Variants in KDM1A observed in about 807,000 individuals in gnomAD.
KDM1A encodes lysine demethylase 1A, also known as lysine-specific histone demethylase 1A.
KDM1A carries 49 observed loss-of-function variants against 109.4 expected under a neutral mutation model. The observed-to-expected ratio is 0.45, with a 90% CI of 0.36 to 0.57. The LOEUF (loss-of-function observed/expected upper bound fraction) is 0.57. Ranked by LOEUF, KDM1A falls within the 20% of genes least tolerant of loss-of-function variation. KDM1A has a pLI of 0.00. For synonymous variants in KDM1A, 380 were observed against 415.4 expected (o/e 0.91, Z 1.04); for missense variants, 668 against 1,116.6 (o/e 0.60, Z 5.73).
chr1:23,072,688 C>T (rs1186391116), intron 14 of KDM1A, among the ~76,000 whole-genome samples: 2 of 152,172 alleles, frequency 1.3e-5, no homozygotes, highest in African/African-American at 4.8e-5. Flanking sequence ...TCTTGTTGCC[C>T]AGGCTGGAGT....
At chr1:23,050,563 A>G in intron 4 of KDM1A, 43 bp downstream of exon 4, 1 of 1,506,116 alleles carries the variant, frequency 6.6e-7, no homozygotes, top group South Asian at 1.3e-5. Context: ...TATAAAAAGT[A>G]TATATGGCTT....
At chr1:23,075,259 C>T (rs12752664) in intron 15 of KDM1A, among the ~76,000 whole-genome samples, 1 of 152,182 alleles carries the variant, frequency 6.6e-6, no homozygotes, top group Admixed American at 6.5e-5. Context: ...CTTCTTGGAC[C>T]AATCTCTAAA....
chr1:23,020,331 G>T (rs760985763), intron 1 of KDM1A: 16 of 164,588 alleles, frequency 9.7e-5, no homozygotes, highest in Non-Finnish European at 1.7e-4. Context: ...TCTGGAAGCT[G>T]TTGGGCGATA....
intron 2 of KDM1A, among the ~76,000 whole-genome samples, chr1:23,035,160 A>C (rs1333376944): frequency 6.6e-6 from 1 of 152,096 alleles, no homozygotes; most frequent in Admixed American, 6.5e-5. Flanking sequence ...GGTAATTTTA[A>C]AAGTTTGTAG....
At position 23,050,516 on chromosome 1, in the gene KDM1A, G is replaced by A. The variant is rs1318595188; in HGVS notation, c.707G>A (p.Arg236His). ...TQKVFLFIRN[R>H]TLQLWLDNPK... ...AAGGTTTTTCTTTTCATTAGAAACC[G>A]CACAGTAAGTTTCCATTTCAGCTTT... Residue 236 changes from arginine to histidine, a missense_variant, in exon 4 of 21, where the codon CGC becomes CAC. Physicochemically the swap from Arg to His is conservative, Grantham distance 29. Coordinates refer to ENST00000400181, the MANE Select transcript of KDM1A (RefSeq NM_001009999.3). 1.1e-5 allele frequency: 18 copies of A among 1,602,574 alleles called. No individual in the cohort carries two copies. Among genetic ancestry groups the A allele is most frequent in the South Asian group, 2.3e-5 (2 of 88,802 alleles).
chr1:23,043,611 AG>A (rs1642417839), intron 2 of KDM1A, among the ~76,000 whole-genome samples: 1 of 152,254 alleles, frequency 6.6e-6, no homozygotes, highest in African/African-American at 2.4e-5. Flanking sequence ...AGAGCATCAT[AG>A]CATCTGTCTT....
At chr1:23,057,741 C>CT (rs1484434202) in intron 8 of KDM1A, 176 bp downstream of exon 8, 1 of 365,336 alleles carries the variant, frequency 2.7e-6, no homozygotes, top group Non-Finnish European at 5.1e-6. Context: ...CCTAGAGTAC[C>CT]TTTTTCTAGT....
chr1:23,079,655 A>G lies in KDM1A; in HGVS notation c.2158A>G (p.Asn720Asp). 6.2e-7 allele frequency: 1 copy of G among 1,605,104 alleles called. No homozygotes were observed. Among genetic ancestry groups the G allele is most frequent in the Non-Finnish European group, 8.5e-7 (1 of 1,172,590 alleles). Residue 720 changes from asparagine (N) to aspartate (D), a missense_variant, in exon 18 of 21, where the codon AAC becomes GAC. Coordinates refer to ENST00000400181, the MANE Select transcript of KDM1A (RefSeq NM_001009999.3). This position sits in a 1 kb window ranked among gnomAD's most constrained non-coding sequence, Gnocchi z 5.6. Reference sequence around the variant, plus strand: ...CAGGGGTGAGCTCTTCCTCTTCTGGAACCTCTATAAAGGTAAATGCCTTCT... The same window carrying G: ...CAGGGGTGAGCTCTTCCTCTTCTGGGACCTCTATAAAGGTAAATGCCTTCT... ...ASRGELFLFW[N>D]LYKAPILLAL...
intron 2 of KDM1A, among the ~76,000 whole-genome samples, chr1:23,041,022 C>CA (rs1557525650): frequency 6.6e-6 from 1 of 152,164 alleles, no homozygotes; most frequent in East Asian, 1.9e-4. Flanking sequence ...CTATCAGAAA[C>CA]AGAGTCCTAG....
At chr1:23,057,593 A>G in intron 8 of KDM1A, 28 bp downstream of exon 8, 2 of 1,524,890 alleles carry the variant, frequency 1.3e-6, no homozygotes, top group Non-Finnish European at 9.1e-7. Flanking sequence ...TGTGCTATAT[A>G]GTACATGGTC....
chr1:23,046,109 T>C (rs1642497351), intron 3 of KDM1A, among the ~76,000 whole-genome samples: 1 of 152,148 alleles, frequency 6.6e-6, no homozygotes, highest in Non-Finnish European at 1.5e-5. Context: ...CCTTATTTTA[T>C]GGATTAGGAT....
At chr1:23,057,800 CT>C (rs10685820) in intron 8 of KDM1A, 3,136 of 127,256 alleles carry the variant, frequency 0.025, no homozygotes, top group South Asian at 0.11. Context: ...GTGTTTGAAG[CT>C]TTTTTTTTTT....
At chr1:23,053,676 GCAGC>G in intron 4 of KDM1A, 81 bp from the exon 5 acceptor site, 1 of 922,820 alleles carries the variant, frequency 1.1e-6, no homozygotes, top group Non-Finnish European at 1.7e-6. Flanking sequence ...GTGAGCCACT[GCAGC>G]CAGCTAAAAG....
chr1:23,036,444 G>GCCCCC (rs5773033), intron 2 of KDM1A, among the ~76,000 whole-genome samples: 5 of 121,594 alleles, frequency 4.1e-5, no homozygotes, highest in Admixed American at 9.1e-5. Context: ...TTCTTGCCAC[G>GCCCCC]CCCCCCCCCT....
chr1:23,022,923 T>G (rs1291416623), intron 1 of KDM1A, among the ~76,000 whole-genome samples: 1 of 152,140 alleles, frequency 6.6e-6, no homozygotes, highest in Non-Finnish European at 1.5e-5. Flanking sequence ...CCTCCCAAAG[T>G]GCTGGGATTA....
At position 23,081,517 on chromosome 1, in the gene KDM1A, G is replaced by T; in HGVS notation, c.2242G>T (p.Val748Phe). The T allele has an allele frequency of 6.2e-7, 1 of 1,614,192 alleles. No homozygotes were observed. Among genetic ancestry groups the T allele is most frequent in the Non-Finnish European group, 8.5e-7 (1 of 1,180,020 alleles). Reference sequence around the variant, plus strand: ...GGAAAACATAAGTGACGATGTGATTGTTGGCCGATGCCTGGCCATTCTCAA... The same window carrying T: ...GGAAAACATAAGTGACGATGTGATTTTTGGCCGATGCCTGGCCATTCTCAA... ...IMENISDDVI[V>F]GRCLAILKGI... The change falls in exon 19 of 21, where the codon GTT (valine) becomes TTT (phenylalanine). Residue 748 changes from valine (V) to phenylalanine (F), a missense_variant. Val to Phe is a conservative substitution (Grantham distance 50). This residue lies in a region of KDM1A where 162 missense variants were observed against 376.4 expected (regional missense o/e 0.43). Coordinates refer to ENST00000400181, the MANE Select transcript of KDM1A (RefSeq NM_001009999.3).
intron 3 of KDM1A, among the ~76,000 whole-genome samples, chr1:23,045,590 A>G (rs998783548): frequency 1.3e-5 from 2 of 152,188 alleles, no homozygotes; most frequent in Admixed American, 1.3e-4. Context: ...TAGATCTTCC[A>G]TGGAACTGTT....
At chr1:23,059,361 A>G in intron 9 of KDM1A, 194 bp downstream of exon 9, 1 of 668,060 alleles carries the variant, frequency 1.5e-6, no homozygotes, top group South Asian at 1.4e-5. Flanking sequence ...GGATTATTGT[A>G]TATATACACA....
At chr1:23,065,698 T>C (rs923754307) in intron 9 of KDM1A, among the ~76,000 whole-genome samples, 1 of 152,178 alleles carries the variant, frequency 6.6e-6, no homozygotes, top group Admixed American at 6.5e-5. Context: ...TCTTTTGGTT[T>C]GGTTTTTGTT....
Sources: allele counts gnomAD v4.1 joint callset (sites outside exome capture counted in the v4.1 genomes callset), GRCh38; gene constraint gnomAD v4.1.1; regional missense constraint gnomAD v4.1.1; non-coding constraint Gnocchi (gnomAD v3.1); transcripts MANE v1.5; gene names NCBI Gene and HGNC (gene_info 2026-07-23, HGNC 2026-07-21).